The following BICRAL variants were observed in gnomAD, a reference collection of about 807,000 sequenced individuals.
The protein encoded by BICRAL is BICRA like chromatin remodeling complex associated protein, also known as BRD4-interacting chromatin-remodeling complex-associated protein-like.
BICRAL carries 8 observed loss-of-function variants against 91.8 expected under a neutral mutation model. That is an observed-to-expected ratio of 0.09 (90% confidence interval 0.05 to 0.16). BICRAL has a LOEUF of 0.16. Ranked by LOEUF, BICRAL falls within the 10% of genes least tolerant of loss-of-function variation. The pLI is 1.00. For synonymous variants in BICRAL, 445 were observed against 491.1 expected, an observed-to-expected ratio of 0.91 and a Z score of 1.24; for missense variants, 1,038 against 1,310.9, an observed-to-expected ratio of 0.79 and a Z score of 3.21.
At chr6:42,760,035 A>G (rs1762522052) in intron 1 of BICRAL, among the ~76,000 whole-genome samples, 1 of 152,168 alleles carries the variant, frequency 6.6e-6, no homozygotes, top group African/African-American at 2.4e-5. Context: ...ACCTGAGGTC[A>G]GGAGTTCGAG....
chr6:42,821,707 G>A (rs1435242303), intron 2 of BICRAL, among the ~76,000 whole-genome samples: 1 of 152,182 alleles, frequency 6.6e-6, no homozygotes, highest in Non-Finnish European at 1.5e-5. Context: ...GGAAGTTACT[G>A]TTCATGGTTT....
intron 5 of BICRAL, among the ~76,000 whole-genome samples, chr6:42,823,221 G>A (rs1339402446): frequency 2.0e-5 from 3 of 152,098 alleles, no homozygotes; most frequent in African/African-American, 4.8e-5. Context: ...GACCTCCCAG[G>A]CTGAAGCGAT....
chr6:42,861,857 G>C (rs1476790397), intron 11 of BICRAL, among the ~76,000 whole-genome samples: 1 of 151,750 alleles, frequency 6.6e-6, no homozygotes, highest in Non-Finnish European at 1.5e-5. Context: ...AAATTGTCTG[G>C]GTGTGGTGGT....
Position 42,835,393 on chromosome 6 carries a change from T to C in BICRAL, c.1839+5221T>C, listed in dbSNP as rs372570406. On this transcript the variant is annotated intron_variant, in intron 6 of 12. Transcript: ENST00000314073. ...ATCCACCCACCTCAGCCTCCCAAAGTGCTGGGATTTCAGGCATGAGCCACC... is the reference window on the plus strand; with the variant it reads ...ATCCACCCACCTCAGCCTCCCAAAGCGCTGGGATTTCAGGCATGAGCCACC... Among the ~76,000 whole-genome samples, 61 of 152,190 alleles carry C rather than the reference T, an allele frequency of 4.0e-4. 3 individuals are homozygous for C. The East Asian group carries it at 8.9e-3, about 22-fold the overall frequency.
chr6:42,827,087 A>T (rs534805656), intron 5 of BICRAL, among the ~76,000 whole-genome samples: 55 of 152,260 alleles, frequency 3.6e-4, no homozygotes, highest in African/African-American at 1.3e-3. Flanking sequence ...GCGCCTGGCC[A>T]ATTTCCTCAT....
At chr6:42,862,487 T>G in intron 11 of BICRAL, 23 bp from the exon 12 acceptor site, 1 of 1,445,480 alleles carries the variant, frequency 6.9e-7, no homozygotes. Flanking sequence ...GTCTATGAAA[T>G]GACTGGCCTC....
intron 6 of BICRAL, among the ~76,000 whole-genome samples, chr6:42,838,632 T>C (rs1764704901): frequency 6.6e-6 from 1 of 152,210 alleles, no homozygotes. Flanking sequence ...TGTAGTATCC[T>C]ATCTATATTT....
chr6:42,781,950 C>CGAGA (rs1327684716), upstream of BICRAL: 2 of 145,972 alleles, frequency 1.4e-5, no homozygotes, highest in African/African-American at 2.5e-5. Flanking sequence ...CGGGGGTGAG[C>CGAGA]GAGAGAGAGA....
chr6:42,816,785 C>CG (rs1764006123), intron 2 of BICRAL, among the ~76,000 whole-genome samples: 1 of 151,950 alleles, frequency 6.6e-6, no homozygotes, highest in Non-Finnish European at 1.5e-5. Flanking sequence ...GAGGCCGAGG[C>CG]GGGCGGATCA....
chr6:42,831,034 G>A (rs1296466757), intron 6 of BICRAL, among the ~76,000 whole-genome samples: 1 of 152,196 alleles, frequency 6.6e-6, no homozygotes. Context: ...AGACTTAATT[G>A]TCTTCATTAG....
chr6:42,817,228 A>T (rs1764019952), intron 2 of BICRAL, among the ~76,000 whole-genome samples: 1 of 151,796 alleles, frequency 6.6e-6, no homozygotes, highest in South Asian at 2.1e-4. Context: ...CATAATGTAC[A>T]TAATATTCTG....
intron 6 of BICRAL, among the ~76,000 whole-genome samples, chr6:42,831,344 A>T (rs1764471293): frequency 6.6e-6 from 1 of 152,186 alleles, no homozygotes; most frequent in Non-Finnish European, 1.5e-5. Context: ...AGTAGTGGGT[A>T]ACTGGCCTGC....
chr6:42,845,195 G>GGTTTTTTTTTT lies in BICRAL; in HGVS notation c.1840-6897_1840-6896insGTTTTTTTTTT, dbSNP rs1562490931. 2.2e-3 allele frequency among the ~76,000 whole-genome samples: 57 copies of GGTTTTTTTTTT among 25,612 alleles called. 16 individuals carry two copies. Among genetic ancestry groups the GGTTTTTTTTTT allele is most frequent in the South Asian group, 0.013 (7 of 556 alleles). The allele number at this position is 25,612 out of a possible 152,430, so 16.8% of individuals were successfully genotyped here. On this transcript the variant is annotated intron_variant, in intron 6 of 12. Transcript: ENST00000314073. ...CTTCTCTGTTTTTTGTTTTTTGGGT[G>GGTTTTTTTTTT]TTTTTTTTTTTTTTTTTTTTTTTTT...
chr6:42,762,407 A>G (rs1486883945), intron 1 of BICRAL, among the ~76,000 whole-genome samples: 3 of 152,022 alleles, frequency 2.0e-5, no homozygotes, highest in African/African-American at 7.2e-5. Context: ...TTTTTAAAGC[A>G]TTTTTTTTAT....
At chr6:42,810,173 G>C (rs1177318473) in intron 1 of BICRAL, 133 bp from the exon 2 acceptor site, 1 of 152,136 alleles carries the variant, frequency 6.6e-6, no homozygotes, top group Non-Finnish European at 1.5e-5. Context: ...GGCCCTAGCT[G>C]ATGACAAAAT....
At chr6:42,857,614 AAT>A (rs1554283186) in intron 10 of BICRAL, among the ~76,000 whole-genome samples, 11 of 96,218 alleles carry the variant, frequency 1.1e-4, no homozygotes, top group East Asian at 2.3e-4. Context: ...AAAAAAAAAA[AAT>A]ATATATATAT....
chr6:42,835,180 G>A (rs1267171971), intron 6 of BICRAL, among the ~76,000 whole-genome samples: 7 of 151,516 alleles, frequency 4.6e-5, no homozygotes, highest in African/African-American at 1.7e-4. Context: ...CCAGGCTGGA[G>A]TGCAATGGCA....
At chr6:42,757,727 GC>G (rs1762483997) in intron 1 of BICRAL, among the ~76,000 whole-genome samples, 1 of 152,198 alleles carries the variant, frequency 6.6e-6, no homozygotes, top group Non-Finnish European at 1.5e-5. Flanking sequence ...CCAGGAAATG[GC>G]TATTTACATG....
upstream of BICRAL, among the ~76,000 whole-genome samples, chr6:42,778,955 T>A (rs1762840226): frequency 6.6e-6 from 1 of 151,592 alleles, no homozygotes; most frequent in East Asian, 1.9e-4. Context: ...GTAGTTGGGA[T>A]TACAGGCGCC....
Sources: gnomAD v4.1 joint callset for allele counts (sites outside exome capture counted in the v4.1 genomes callset) on GRCh38, gnomAD v4.1.1 for gene constraint, MANE v1.5 for transcripts, NCBI Gene and HGNC (gene_info 2026-07-23, HGNC 2026-07-21) for gene names.